The following PYROXD2 variants were observed in gnomAD, a reference collection of about 807,000 sequenced individuals.
PYROXD2 encodes pyridine nucleotide-disulphide oxidoreductase domain 2.
A neutral mutation model predicts 71.1 loss-of-function variants in PYROXD2; 69 were observed. The observed-to-expected ratio is 0.97, with a 90% CI of 0.80 to 1.19. The LOEUF is 1.19. Ranked by LOEUF, PYROXD2 falls within the 50% of genes most tolerant of loss-of-function variation. The pLI, the probability that PYROXD2 is intolerant of heterozygous loss-of-function variation, is 0.00. For synonymous variants in PYROXD2, 287 were observed against 302.7 expected (o/e 0.95, Z 0.54); for missense variants, 745 against 748.9 (o/e 0.99, Z 0.06).
chr10:98,400,687 A>G (rs1356474281), intron 4 of PYROXD2, among the ~76,000 whole-genome samples: 2 of 152,162 alleles, frequency 1.3e-5, no homozygotes, highest in African/African-American at 4.8e-5. Context: ...CACTCATTCC[A>G]TGCCAGGGAC....
chr10:98,403,334 C>T (rs1428917440), intron 4 of PYROXD2, among the ~76,000 whole-genome samples: 1 of 152,204 alleles, frequency 6.6e-6, no homozygotes, highest in Non-Finnish European at 1.5e-5. Flanking sequence ...TCCAAGCCGC[C>T]ATTTTGGGAA....
At chr10:98,410,339 T>C (rs1843743698) in intron 2 of PYROXD2, among the ~76,000 whole-genome samples, 1 of 152,192 alleles carries the variant, frequency 6.6e-6, no homozygotes, top group Non-Finnish European at 1.5e-5. Flanking sequence ...TGGACTCAGG[T>C]TACAGAAGCA....
At chr10:98,410,999 A>G (rs1843767788) in intron 1 of PYROXD2, 41 bp from the exon 2 acceptor site, 5 of 1,555,286 alleles carry the variant, frequency 3.2e-6, no homozygotes, top group Non-Finnish European at 4.4e-6. Context: ...ATCACTGGTC[A>G]GCGGGCGGGC....
rs1258526910 is a variant in PYROXD2 at position 98,395,416 on chromosome 10, T to G, written c.662A>C (p.Glu221Ala). ...ILGAQLPRYY[E>A]VLTAPITKVL... ...CTTGGTAATGGGAGCTGTGAGGACC[T>G]CATAATATCGGGGAAGCTGGGCTCC... The change falls in exon 7 of 16, where the codon GAG (glutamate) becomes GCG (alanine). Residue 221 changes from glutamate to alanine, a missense_variant. Transcript: ENST00000370575. 6.2e-7 allele frequency: 1 copy of G among 1,614,196 alleles called. No homozygotes were observed. The highest frequency in any genetic ancestry group is 8.5e-7 in the Non-Finnish European group (1 of 1,180,016).
At position 98,392,793 on chromosome 10, in the gene PYROXD2, G is replaced by A. The variant is rs1306608206; in HGVS notation, c.927+149C>T. The A allele has an allele frequency of 3.6e-6, 4 of 1,101,334 alleles. No individual in the cohort carries two copies. The African/African-American group carries it at 4.7e-5, about 13-fold the overall frequency. 68.2% of individuals were successfully genotyped at this position (1,101,334 alleles called of 1,614,324 possible). On this transcript the variant is annotated intron_variant, in intron 9 of 15. Transcript: ENST00000370575. Reference sequence around the variant, plus strand: ...CCAAGGGGGTGGTTAGCCACTAACAGACTGCATGACCTTAATCTCTTGATT... The same window carrying A: ...CCAAGGGGGTGGTTAGCCACTAACAAACTGCATGACCTTAATCTCTTGATT...
chr10:98,411,419 C>G (rs1344404578), intron 1 of PYROXD2: 1 of 166,322 alleles, frequency 6.0e-6, no homozygotes, highest in African/African-American at 2.4e-5. Context: ...TAGTTGCTAT[C>G]AAGCGCGGCT....
chr10:98,383,655 G>T lies in PYROXD2; in HGVS notation c.*143C>A, dbSNP rs1052060452. 2 of 731,510 alleles carry T rather than the reference G, an allele frequency of 2.7e-6. No homozygotes were observed. The highest frequency in any genetic ancestry group is 1.7e-5 in the African/African-American group (1 of 57,292). The allele number at this position is 731,510 out of a possible 1,614,324, so 45.3% of individuals were successfully genotyped here. ...GGTCAACTTGCACTAAATGTAACTC[G>T]TACGTTTTTTCTAAAATAATTTCTT... On this transcript the variant is annotated 3_prime_UTR_variant, in exon 16 of 16. Coordinates refer to ENST00000370575, the MANE Select transcript of PYROXD2 (RefSeq NM_032709.3).
intron 2 of PYROXD2, among the ~76,000 whole-genome samples, chr10:98,409,026 C>T (rs780973448): frequency 9.9e-5 from 15 of 152,180 alleles, no homozygotes; most frequent in Admixed American, 2.6e-4. Flanking sequence ...CCTAACATAA[C>T]CTCCTATCAT....
intron 13 of PYROXD2, 123 bp downstream of exon 13, chr10:98,388,231 T>C: frequency 3.1e-6 from 3 of 958,730 alleles, no homozygotes; most frequent in Non-Finnish European, 4.8e-6. Context: ...CCCTTGACTA[T>C]TTCCTCCCTT....
At position 98,383,725 on chromosome 10, in the gene PYROXD2, T is replaced by C. The variant is rs1842660741; in HGVS notation, c.*73A>G. The stretch of plus-strand genomic sequence containing the variant: ...TGTACTAACCCGAAGCTGAACTTCC[T>C]GGGAAGCTGATCCAATGGAGCACTT... On this transcript the variant is annotated 3_prime_UTR_variant, in exon 16 of 16. Transcript: ENST00000370575. The C allele has an allele frequency of 1.5e-6, 2 of 1,332,894 alleles. No individual in the cohort carries two copies. The highest frequency in any genetic ancestry group is 2.3e-5 in the East Asian group (1 of 43,660). 82.6% of individuals were successfully genotyped at this position (1,332,894 alleles called of 1,614,324 possible).
chr10:98,384,451 C>T (rs1194206334), intron 15 of PYROXD2, among the ~76,000 whole-genome samples: 1 of 152,114 alleles, frequency 6.6e-6, no homozygotes, highest in East Asian at 1.9e-4. Flanking sequence ...AACCCATCTC[C>T]ACAAAAGAAT....
intron 13 of PYROXD2, among the ~76,000 whole-genome samples, chr10:98,387,563 C>G (rs78919932): frequency 1.3e-5 from 2 of 152,066 alleles, no homozygotes; most frequent in African/African-American, 4.8e-5. Flanking sequence ...ACCTTAAACA[C>G]GAAGCTGCTG....
At chr10:98,385,525 C>A (rs558663764) in intron 14 of PYROXD2, among the ~76,000 whole-genome samples, 2 of 152,218 alleles carry the variant, frequency 1.3e-5, no homozygotes, top group African/African-American at 4.8e-5. Context: ...CACGGTTCTG[C>A]CCCCCTGGCT....
rs973265523 is a variant in PYROXD2 at position 98,385,841 on chromosome 10, G to A, written c.1555-774C>T. Reference sequence around the variant, plus strand: ...TCACCAAGGCTTCTCAAGTCTGCCCGCCCCATGCCTGCTGTACCCAGCCAT... The same window carrying A: ...TCACCAAGGCTTCTCAAGTCTGCCCACCCCATGCCTGCTGTACCCAGCCAT... On this transcript the variant is annotated intron_variant, in intron 14 of 15. Coordinates refer to ENST00000370575, the MANE Select transcript of PYROXD2 (RefSeq NM_032709.3). Among the ~76,000 whole-genome samples, 5 of 152,138 alleles carry A rather than the reference G, an allele frequency of 3.3e-5. No homozygotes were observed. In the East Asian group the frequency reaches 5.8e-4, roughly 18 times the overall value.
Position 98,407,581 on chromosome 10 carries a change from C to T in PYROXD2, c.315+1G>A. The T allele has an allele frequency of 6.2e-7, 1 of 1,613,660 alleles. No homozygotes were observed. Among genetic ancestry groups the T allele is most frequent in the South Asian group, 1.1e-5 (1 of 91,042 alleles). ...CAATCGGGCCGGCGGGGGGGCCCTA[C>T]CTTCAGCTCCAGATCAGTGTAAATC... On this transcript the variant is annotated splice_donor_variant, in intron 4 of 15. Transcript: ENST00000370575. LOFTEE classifies it high-confidence loss of function.
At chr10:98,386,546 C>CTTTTTTT (rs112385802) in intron 14 of PYROXD2, among the ~76,000 whole-genome samples, 2 of 147,730 alleles carry the variant, frequency 1.4e-5, no homozygotes, top group African/African-American at 5.1e-5. Flanking sequence ...CTTTCTTTTG[C>CTTTTTTT]TTTTTTTTTA....
chr10:98,392,372 C>A (rs921355854), intron 10 of PYROXD2, 60 bp downstream of exon 10: 54 of 1,583,220 alleles, frequency 3.4e-5, no homozygotes, highest in Non-Finnish European at 4.5e-5. Flanking sequence ...TCAATCCCCA[C>A]GATTTCTAAC....
intron 1 of PYROXD2, chr10:98,411,609 G>A (rs1230256447): frequency 1.3e-5 from 2 of 152,060 alleles, no homozygotes; most frequent in East Asian, 1.9e-4. Context: ...GCTTCAGGGT[G>A]CCTTGAGCTG....
intron 6 of PYROXD2, among the ~76,000 whole-genome samples, chr10:98,396,522 G>C (rs1415181231): frequency 6.6e-6 from 1 of 152,098 alleles, no homozygotes; most frequent in Non-Finnish European, 1.5e-5. Flanking sequence ...CCTCAAGGAG[G>C]GTAGAAAATA....
Sources: allele counts gnomAD v4.1 joint callset (sites outside exome capture counted in the v4.1 genomes callset), GRCh38; gene constraint gnomAD v4.1.1; transcripts MANE v1.5; gene names NCBI Gene and HGNC (gene_info 2026-07-23, HGNC 2026-07-21).